WDPCP: variants seen among roughly 807,000 people sequenced by gnomAD.
WDPCP encodes the protein WD repeat-containing and planar cell polarity effector protein fritz homolog.
Under a neutral mutation model 93.1 loss-of-function variants are expected in WDPCP, and 71 were observed. The observed-to-expected ratio is 0.76, with a 90% confidence interval of 0.63 to 0.93. The LOEUF (loss-of-function observed/expected upper bound fraction) is 0.93, where lower values mean the gene tolerates loss of function less well. Among genes scored for constraint, WDPCP ranks in the 40% least tolerant of loss-of-function variants. The pLI is 0.00. For synonymous variants in WDPCP, 315 were observed against 315.0 expected (o/e 1.00, Z 0.00); for missense variants, 844 against 887.4 (o/e 0.95, Z 0.62).
chr2:63,649,849 A>T (rs1710089599), intron 3 of WDPCP, among the ~76,000 whole-genome samples: 1 of 152,322 alleles, frequency 6.6e-6, no homozygotes, highest in Admixed American at 6.5e-5. Context: ...AGGGAAACAG[A>T]TATAGGATCC....
intron 1 of WDPCP, among the ~76,000 whole-genome samples, chr2:63,508,826 AAG>A (rs201959782): frequency 0.02 from 3,027 of 152,202 alleles, 119 homozygotes; most frequent in African/African-American, 0.069. Context: ...AAGATCAAAA[AAG>A]ACAAAGAAGG....
chr2:63,502,492 G>C lies in WDPCP; in HGVS notation c.76-9552C>G, dbSNP rs139094910. The stretch of plus-strand genomic sequence containing the variant: ...CTCAACAGCATGCAGCATTATCCAA[G>C]TTTTAAGTTGTTGCCAACCTGGTAG... On this transcript the variant is annotated intron_variant, in intron 1 of 17. Transcript: ENST00000272321. Among the ~76,000 whole-genome samples the C allele has an allele frequency of 2.9e-4, 44 of 152,206 alleles. 1 individual carries two copies. The East Asian group carries it at 8.1e-3, about 28-fold the overall frequency.
intron 2 of WDPCP, chr2:63,751,871 T>C: frequency 1.5e-6 from 1 of 681,826 alleles, no homozygotes; most frequent in Non-Finnish European, 2.7e-6. Context: ...GCATTGTAGC[T>C]TCCACCACCT....
At chr2:63,193,677 TG>T (rs1675207943) in intron 14 of WDPCP, among the ~76,000 whole-genome samples, 1 of 152,166 alleles carries the variant, frequency 6.6e-6, no homozygotes, top group Admixed American at 6.5e-5. Context: ...TTTGTAGATA[TG>T]GGGTCTAACT....
chr2:63,793,443 A>C (rs1246131766), intron 2 of WDPCP, among the ~76,000 whole-genome samples: 1 of 152,146 alleles, frequency 6.6e-6, no homozygotes, highest in South Asian at 2.1e-4. Context: ...TCCCATCTCT[A>C]TTAAAAACAG....
At chr2:63,213,525 A>G in intron 14 of WDPCP, among the ~76,000 whole-genome samples, 1 of 152,224 alleles carries the variant, frequency 6.6e-6, no homozygotes, top group East Asian at 1.9e-4. Context: ...AAAGCAGGAA[A>G]GATCTAAAAT....
At chr2:63,417,846 T>C (rs980607169) in intron 9 of WDPCP, among the ~76,000 whole-genome samples, 8 of 150,760 alleles carry the variant, frequency 5.3e-5, no homozygotes, top group Non-Finnish European at 1.2e-4. Flanking sequence ...ATAAGACATT[T>C]TGTATTTAAA....
At chr2:63,461,057 T>C (rs1256797986) in intron 6 of WDPCP, among the ~76,000 whole-genome samples, 7 of 152,174 alleles carry the variant, frequency 4.6e-5, no homozygotes, top group Non-Finnish European at 1.0e-4. Context: ...AGGTTGAGAA[T>C]GTGTTACTTC....
intron 7 of WDPCP, 38 bp from the exon 8 acceptor site, chr2:63,437,592 A>C: frequency 6.6e-7 from 1 of 1,523,916 alleles, no homozygotes; most frequent in Admixed American, 2.0e-5. Context: ...GTTAGAATAA[A>C]ATAATGAATA....
chr2:63,630,993 T>C (rs578035620), intron 3 of WDPCP, among the ~76,000 whole-genome samples: 34 of 152,024 alleles, frequency 2.2e-4, no homozygotes, highest in Non-Finnish European at 4.7e-4. Context: ...AATGAAAATA[T>C]AATATATCAA....
Position 63,423,504 on chromosome 2 carries a change from A to C in WDPCP, c.825+10241T>G, listed in dbSNP as rs79314014. On this transcript the variant is annotated intron_variant, in intron 9 of 17. Coordinates refer to ENST00000272321, the MANE Select transcript of WDPCP (RefSeq NM_015910.7). ...CATAATGTTATGTTTCCCTGACAAC[A>C]TATTTTAAGGTTTAATAGCTCTGCT... 7.1e-3 allele frequency among the ~76,000 whole-genome samples: 1,084 copies of C among 152,294 alleles called. 19 individuals are homozygous for C. The highest frequency in any genetic ancestry group is 0.025 in the African/African-American group (1,042 of 41,550).
At chr2:63,282,325 T>C (rs1030117210) in intron 13 of WDPCP, among the ~76,000 whole-genome samples, 3 of 152,112 alleles carry the variant, frequency 2.0e-5, no homozygotes, top group Non-Finnish European at 4.4e-5. Flanking sequence ...GCCAACATGG[T>C]GAAACCCTGT....
At chr2:63,277,019 C>G (rs368346874) in intron 13 of WDPCP, among the ~76,000 whole-genome samples, 2 of 152,080 alleles carry the variant, frequency 1.3e-5, no homozygotes, top group Non-Finnish European at 2.9e-5. Context: ...ATCAGAGTAA[C>G]GCATATTTCT....
At chr2:63,395,934 G>A (rs1693692334) in intron 10 of WDPCP, among the ~76,000 whole-genome samples, 3 of 152,048 alleles carry the variant, frequency 2.0e-5, no homozygotes, top group African/African-American at 7.2e-5. Context: ...TCACCATGTT[G>A]GTCAGGCTGG....
intron 9 of WDPCP, among the ~76,000 whole-genome samples, chr2:63,411,251 C>T (rs868140815): frequency 6.6e-6 from 1 of 152,098 alleles, no homozygotes; most frequent in South Asian, 2.1e-4. Context: ...CTTGCAAATA[C>T]ATGGAAATTT....
chr2:63,567,655 A>G (rs1315928183), intron 1 of WDPCP, among the ~76,000 whole-genome samples: 1 of 152,188 alleles, frequency 6.6e-6, no homozygotes, highest in Non-Finnish European at 1.5e-5. Context: ...CCTTCCCTCT[A>G]AAGTAGACAT....
At chr2:63,619,870 A>C (rs1056141341) in intron 3 of WDPCP, among the ~76,000 whole-genome samples, 3 of 152,134 alleles carry the variant, frequency 2.0e-5, no homozygotes, top group African/African-American at 7.2e-5. Flanking sequence ...GCCCATGGAG[A>C]GCAAGCCAAA....
intron 2 of WDPCP, among the ~76,000 whole-genome samples, chr2:63,719,818 T>C (rs1264437994): frequency 6.6e-6 from 1 of 152,130 alleles, no homozygotes; most frequent in East Asian, 1.9e-4. Flanking sequence ...TATTAGGCTA[T>C]AAGAAAATCA....
chr2:63,153,472 T>C (rs1449124461), intron 16 of WDPCP, 23 bp downstream of exon 16: 35 of 1,569,956 alleles, frequency 2.2e-5, no homozygotes, highest in Non-Finnish European at 3.1e-5. Context: ...CTTTGAATAC[T>C]TGGGTGTCTT....
Sources: gnomAD v4.1 joint callset for allele counts (sites outside exome capture counted in the v4.1 genomes callset) on GRCh38, gnomAD v4.1.1 for gene constraint, MANE v1.5 for transcripts, NCBI Gene and HGNC (gene_info 2026-07-23, HGNC 2026-07-21) for gene names.